Variants in RAPGEF1 observed in about 807,000 individuals in gnomAD.
The protein encoded by RAPGEF1 is Rap guanine nucleotide exchange factor 1.
RAPGEF1 carries 33 observed loss-of-function variants against 143.3 expected under a neutral mutation model. The observed-to-expected ratio is 0.23, with a 90% CI of 0.17 to 0.31. The LOEUF (loss-of-function observed/expected upper bound fraction) is 0.31. Ranked by LOEUF, RAPGEF1 falls within the 10% of genes least tolerant of loss-of-function variation. The pLI is 1.00. For synonymous variants in RAPGEF1, 629 were observed against 676.5 expected (o/e 0.93, Z 1.09); for missense variants, 1,199 against 1,645.4 (o/e 0.73, Z 4.69).
At chr9:131,615,390 TCCAATG>T (rs1001758740) in intron 12 of RAPGEF1, among the ~76,000 whole-genome samples, 1 of 152,114 alleles carries the variant, frequency 6.6e-6, no homozygotes, top group Non-Finnish European at 1.5e-5. Context: ...AGGTGTTTTT[TCCAATG>T]CCAACCCTGC....
At chr9:131,630,158 A>C (rs11243457) in intron 6 of RAPGEF1, 78 bp downstream of exon 6, 730,809 of 1,148,826 alleles carry the variant, frequency 0.64, 236,771 homozygotes, top group Non-Finnish European at 0.66. Flanking sequence ...TGCCCACCCC[A>C]CCGGGCCCTA....
intron 1 of RAPGEF1, among the ~76,000 whole-genome samples, chr9:131,666,350 G>A (rs1481367745): frequency 6.6e-6 from 1 of 152,050 alleles, no homozygotes; most frequent in African/African-American, 2.4e-5. Context: ...CTATCCAATA[G>A]AAACATAGTG....
intron 1 of RAPGEF1, among the ~76,000 whole-genome samples, chr9:131,711,767 G>C (rs750579972): frequency 6.6e-6 from 1 of 152,186 alleles, no homozygotes; most frequent in Non-Finnish European, 1.5e-5. Flanking sequence ...TTACAGAGTT[G>C]GATGGTACAA....
intron 1 of RAPGEF1, among the ~76,000 whole-genome samples, chr9:131,689,539 AT>A (rs200363817): frequency 0.25 from 36,665 of 148,006 alleles, 4,739 homozygotes; most frequent in Non-Finnish European, 0.3. Flanking sequence ...AGTAACTTGA[AT>A]TTTTTTTTTT....
intron 12 of RAPGEF1, among the ~76,000 whole-genome samples, chr9:131,617,402 T>C (rs187445986): frequency 1.3e-5 from 2 of 152,328 alleles, no homozygotes; most frequent in East Asian, 3.9e-4. Flanking sequence ...ATTGGGAGAA[T>C]GCACTCCAAG....
intron 1 of RAPGEF1, among the ~76,000 whole-genome samples, chr9:131,660,892 T>A (rs111623474): frequency 1.3e-5 from 2 of 152,330 alleles, no homozygotes; most frequent in African/African-American, 4.8e-5. Flanking sequence ...TGGTAAGCAT[T>A]ACAAAGAGAT....
At chr9:131,609,759 G>C (rs1957727665) in intron 12 of RAPGEF1, among the ~76,000 whole-genome samples, 1 of 152,050 alleles carries the variant, frequency 6.6e-6, no homozygotes, top group African/African-American at 2.4e-5. Context: ...CCAGGCACCA[G>C]TTTTTTTTCT....
At chr9:131,689,834 G>C (rs984180404) in intron 1 of RAPGEF1, among the ~76,000 whole-genome samples, 1 of 152,184 alleles carries the variant, frequency 6.6e-6, no homozygotes, top group African/African-American at 2.4e-5. Context: ...CACCGCGCTT[G>C]GCCAGTAACT....
At chr9:131,651,300 G>GT (rs1971020267) in intron 1 of RAPGEF1, among the ~76,000 whole-genome samples, 1 of 152,240 alleles carries the variant, frequency 6.6e-6, no homozygotes, top group Admixed American at 6.5e-5. Flanking sequence ...TGTGTAGGAT[G>GT]TGAGAACTGG....
In RAPGEF1 at chr9:131,632,951, T is replaced by C. The variant is rs1279337331; in HGVS notation, c.652-2627A>G. Among the ~76,000 whole-genome samples the C allele has an allele frequency of 3.9e-5, 6 of 152,154 alleles. No homozygotes were observed. In the South Asian group the frequency reaches 6.2e-4, roughly 16 times the overall value. On this transcript the variant is annotated intron_variant, in intron 5 of 26. Transcript: ENST00000683357. ...TCAAACTCTTGGGCTCAAGTGATCC[T>C]CCTACTTTGGCCTCCCAAAGTGCTG... is the stretch of plus-strand genomic sequence containing the variant.
At chr9:131,633,092 T>C (rs766067587) in intron 5 of RAPGEF1, among the ~76,000 whole-genome samples, 13 of 152,198 alleles carry the variant, frequency 8.5e-5, no homozygotes, top group Non-Finnish European at 1.5e-4. Flanking sequence ...TGAAGAAATG[T>C]GGAGAAGCAA....
Position 131,579,702 on chromosome 9 carries a change from G to A in RAPGEF1, c.3642-55C>T, listed in dbSNP as rs997572537. ...AGCACCTGTGTGGGCTGGATGGCCC[G>A]ATGGCGCCACCCTCCTGGAAGGTGC... On this transcript the variant is annotated intron_variant, in intron 26 of 26. Coordinates refer to ENST00000683357, the MANE Select transcript of RAPGEF1 (RefSeq NM_001377935.1). 3.8e-6 allele frequency: 6 copies of A among 1,576,834 alleles called. No individual in the cohort carries two copies. In the African/African-American group the frequency reaches 4.0e-5, roughly 11 times the overall value.
At position 131,579,135 on chromosome 9, in the gene RAPGEF1, C is replaced by T. The variant is rs534680215; in HGVS notation, c.*362G>A. 3.5e-5 allele frequency: 7 copies of T among 199,874 alleles called. No homozygotes were observed. In the South Asian group the frequency reaches 5.4e-4, roughly 16 times the overall value. 12.4% of individuals were successfully genotyped at this position (199,874 alleles called of 1,614,324 possible). Reference sequence around the variant, plus strand: ...AGGGAGGGGGAGCACCCACCACTTCCTTGGTCTGCTGATGAGGTCTCTGCT... The same window carrying T: ...AGGGAGGGGGAGCACCCACCACTTCTTTGGTCTGCTGATGAGGTCTCTGCT... On this transcript the variant is annotated 3_prime_UTR_variant, in exon 27 of 27. Transcript: ENST00000683357.
In RAPGEF1 at chr9:131,739,782, T is replaced by C. The variant is rs768858009; in HGVS notation, c.49A>G (p.Ile17Val). 1.6e-5 allele frequency: 19 copies of C among 1,173,858 alleles called. No homozygotes were observed. The South Asian group carries it at 2.8e-4, about 17-fold the overall frequency. 72.7% of individuals were successfully genotyped at this position (1,173,858 alleles called of 1,614,324 possible). ...LRRSPEMSGK[I>V]EKADSQRSHL... Reference sequence around the variant, plus strand: ...GCCCGCGCCTCACCTGCTTTCTCGATCTTGCCGGACATTTCCGGGCTGCGC... The same window carrying C: ...GCCCGCGCCTCACCTGCTTTCTCGACCTTGCCGGACATTTCCGGGCTGCGC... Residue 17 changes from isoleucine to valine, a missense_variant, in exon 1 of 27, where the codon ATC becomes GTC. Around this residue, in one of 6 missense-constraint regions of RAPGEF1, gnomAD observed 613 missense variants for 710.9 expected, o/e 0.86. Coordinates refer to ENST00000683357, the MANE Select transcript of RAPGEF1 (RefSeq NM_001377935.1).
chr9:131,734,899 C>A (rs1022476993), intron 1 of RAPGEF1, among the ~76,000 whole-genome samples: 3 of 152,208 alleles, frequency 2.0e-5, no homozygotes, highest in African/African-American at 7.2e-5. Flanking sequence ...CTTCAGGCAG[C>A]GTGCTGGGCA....
In RAPGEF1 at chr9:131,589,869, A is replaced by C. The variant is rs969324566; in HGVS notation, c.2867+17T>G. The stretch of plus-strand genomic sequence containing the variant: ...CCTCCCCACTGGCCCCCAGGACCCC[A>C]AGGGTGAAGCACTCACCAGAGCTCA... On this transcript the variant is annotated intron_variant, in intron 19 of 26. Transcript: ENST00000683357. 2.5e-6 allele frequency: 4 copies of C among 1,609,732 alleles called. No individual in the cohort carries two copies. Among genetic ancestry groups the C allele is most frequent in the Non-Finnish European group, 3.4e-6 (4 of 1,176,144 alleles).
intron 1 of RAPGEF1, among the ~76,000 whole-genome samples, chr9:131,691,016 G>A (rs927744242): frequency 2.0e-5 from 3 of 152,092 alleles, no homozygotes; most frequent in Non-Finnish European, 4.4e-5. Context: ...AAGATTTTGT[G>A]TTTTATCAAG....
intron 10 of RAPGEF1, among the ~76,000 whole-genome samples, 153 bp from the exon 11 acceptor site, chr9:131,622,151 T>C (rs1025764536): frequency 2.0e-5 from 3 of 152,008 alleles, no homozygotes; most frequent in Admixed American, 2.0e-4. Context: ...TTTCGGGCAA[T>C]GAAATCACAC....
chr9:131,648,146 T>C (rs563643724), intron 3 of RAPGEF1, among the ~76,000 whole-genome samples: 32 of 152,272 alleles, frequency 2.1e-4, no homozygotes, highest in African/African-American at 7.5e-4. Flanking sequence ...TCCCAGCACT[T>C]TGAGAGGATG....
Sources: gnomAD v4.1 joint callset for allele counts (sites outside exome capture counted in the v4.1 genomes callset) on GRCh38, gnomAD v4.1.1 for gene constraint, gnomAD v4.1.1 regional missense constraint, MANE v1.5 for transcripts, NCBI Gene and HGNC (gene_info 2026-07-23, HGNC 2026-07-21) for gene names.